The following RIMS1 variants were observed in gnomAD, a reference collection of about 807,000 sequenced individuals.
The protein encoded by RIMS1 is regulating synaptic membrane exocytosis protein 1.
RIMS1 carries 83 observed loss-of-function variants against 214.1 expected under a neutral mutation model. That is an observed-to-expected ratio of 0.39 (90% confidence interval 0.32 to 0.47). RIMS1 has a LOEUF of 0.47. Among genes scored for constraint, RIMS1 ranks in the 20% least tolerant of loss-of-function variants. The pLI is 0.99. For synonymous variants in RIMS1, 793 were observed against 786.8 expected (o/e 1.01, Z -0.13); for missense variants, 2,050 against 2,161.8 (o/e 0.95, Z 1.03).
intron 4 of RIMS1, among the ~76,000 whole-genome samples, chr6:72,110,540 G>A (rs1336406899): frequency 6.7e-6 from 1 of 148,896 alleles, no homozygotes; most frequent in Non-Finnish European, 1.5e-5. Context: ...TGTGATTTTT[G>A]TACATTGATT....
chr6:72,316,063 G>A (rs1349621653), intron 28 of RIMS1, among the ~76,000 whole-genome samples: 1 of 151,844 alleles, frequency 6.6e-6, no homozygotes, highest in Non-Finnish European at 1.5e-5. Context: ...CATGTGTAAG[G>A]ACTTTATTAT....
intron 2 of RIMS1, 139 bp downstream of exon 2, chr6:71,969,202 G>A (rs781231055): frequency 2.5e-6 from 2 of 805,852 alleles, no homozygotes; most frequent in Non-Finnish European, 4.3e-6. Context: ...TGTTGAATTA[G>A]ATAAAATTAG....
chr6:72,080,513 G>A (rs750060063), intron 2 of RIMS1, among the ~76,000 whole-genome samples: 8 of 152,140 alleles, frequency 5.3e-5, no homozygotes, highest in Non-Finnish European at 1.0e-4. Context: ...CAGAGGGAGC[G>A]TATGAAAATG....
At chr6:72,213,339 A>C (rs1488233237) in intron 6 of RIMS1, 1 of 918,642 alleles carries the variant, frequency 1.1e-6, no homozygotes, top group African/African-American at 1.7e-5. Flanking sequence ...TCTGTGTGTC[A>C]GGTGCACAGT....
chr6:72,092,853 A>G (rs1020953655), intron 2 of RIMS1, among the ~76,000 whole-genome samples: 2 of 152,164 alleles, frequency 1.3e-5, no homozygotes, highest in Admixed American at 6.5e-5. Flanking sequence ...TCTCACCGTC[A>G]TACCTCAGTG....
At chr6:72,157,341 A>T (rs1369368824) in intron 4 of RIMS1, among the ~76,000 whole-genome samples, 1 of 140,056 alleles carries the variant, frequency 7.1e-6, no homozygotes, top group Non-Finnish European at 1.6e-5. Context: ...ACTCTTCTAT[A>T]TCCTTGCTGT....
In RIMS1 at chr6:72,326,304, T is replaced by C. The variant is rs1268894548; in HGVS notation, c.4131-7296T>C. ...TCTTGCTTTCTGAAAGAAGGTGTTT[T>C]AGGACTTCTGTTTTTTATCCTCTTC... On this transcript the variant is annotated intron_variant, in intron 28 of 33. Coordinates refer to ENST00000521978, the MANE Select transcript of RIMS1 (RefSeq NM_014989.7). 2.0e-5 allele frequency among the ~76,000 whole-genome samples: 3 copies of C among 151,780 alleles called. No individual in the cohort carries two copies. The East Asian group carries it at 5.8e-4, about 29-fold the overall frequency.
rs1222564699 is a variant in RIMS1, at chr6:72,271,286, AATATATATATAT to A, written c.3399-3044_3399-3033del. Reference sequence around the variant, plus strand: ...ATCTCAAGGAAAAAAAAAAAAAAAAAATATATATATATATATATATATATATATATGTTAATT... The same window carrying A: ...ATCTCAAGGAAAAAAAAAAAAAAAAAATATATATATATATATATGTTAATT... On this transcript the variant is annotated intron_variant, in intron 22 of 33. Transcript: ENST00000521978. Among the ~76,000 whole-genome samples the A allele has an allele frequency of 4.2e-3, 185 of 44,412 alleles. 4 individuals carry two copies. Among genetic ancestry groups the A allele is most frequent in the East Asian group, 0.013 (6 of 468 alleles). The allele number at this position is 44,412 out of a possible 152,430, so 29.1% of individuals were successfully genotyped here.
At chr6:71,973,213 T>C (rs1796327563) in intron 2 of RIMS1, among the ~76,000 whole-genome samples, 1 of 152,138 alleles carries the variant, frequency 6.6e-6, no homozygotes, top group Non-Finnish European at 1.5e-5. Flanking sequence ...CGGACAGTAA[T>C]ATGGATTTTA....
chr6:72,013,646 C>A (rs921015889), intron 2 of RIMS1, among the ~76,000 whole-genome samples: 2 of 152,164 alleles, frequency 1.3e-5, no homozygotes, highest in Non-Finnish European at 2.9e-5. Context: ...TACTTCTTGG[C>A]TCAGTTTCTC....
At chr6:72,235,522 C>T (rs2063669084) in intron 7 of RIMS1, 96 bp from the exon 8 acceptor site, 1 of 757,632 alleles carries the variant, frequency 1.3e-6, no homozygotes, top group Non-Finnish European at 2.3e-6. Context: ...GCAGTTCTAT[C>T]CATGTTACCT....
chr6:72,049,916 CTTT>C (rs1159864599), intron 2 of RIMS1, among the ~76,000 whole-genome samples: 1 of 152,028 alleles, frequency 6.6e-6, no homozygotes, highest in Non-Finnish European at 1.5e-5. Context: ...TGAAAATTCT[CTTT>C]TTAAGTGTAA....
intron 6 of RIMS1, among the ~76,000 whole-genome samples, chr6:72,226,094 C>T (rs1374766792): frequency 6.6e-6 from 1 of 151,966 alleles, no homozygotes; most frequent in Non-Finnish European, 1.5e-5. Context: ...TGACCACATT[C>T]TTATTTTATA....
At chr6:72,300,940 T>C (rs2094544642) in intron 26 of RIMS1, among the ~76,000 whole-genome samples, 1 of 151,728 alleles carries the variant, frequency 6.6e-6, no homozygotes, top group South Asian at 2.1e-4. Flanking sequence ...ATTGCCTCTT[T>C]CACCTATGCC....
chr6:72,247,392 G>T (rs533102681), intron 11 of RIMS1, among the ~76,000 whole-genome samples: 22 of 151,934 alleles, frequency 1.4e-4, no homozygotes, highest in African/African-American at 5.3e-4. Context: ...AAAATTAGCC[G>T]GACGTGTTGG....
Position 72,316,923 on chromosome 6 carries a change from G to A in RIMS1, c.4130+3251G>A, listed in dbSNP as rs1563969279. The A allele has an allele frequency of 4.2e-6, 3 of 718,452 alleles. No homozygotes were observed. In the Admixed American group the frequency reaches 5.8e-5, roughly 14 times the overall value. 44.5% of individuals were successfully genotyped at this position (718,452 alleles called of 1,614,324 possible). A position where few individuals can be genotyped will look rare whatever the true frequency, so the allele number is the denominator to read the frequency against. On this transcript the variant is annotated intron_variant, in intron 28 of 33. Coordinates refer to ENST00000521978, the MANE Select transcript of RIMS1 (RefSeq NM_014989.7). The stretch of plus-strand genomic sequence containing the variant: ...ACTGGACAGCCACCCAAGAACTGAG[G>A]TGTCCTGCAGTAGAGTGGAGAGACC...
chr6:72,383,608 T>TA (rs1170633297), intron 29 of RIMS1, among the ~76,000 whole-genome samples: 36,825 of 85,522 alleles, frequency 0.43, 7,517 homozygotes, highest in Middle Eastern at 0.54. Flanking sequence ...ACCCCATCTC[T>TA]AAAAAAAAAA....
intron 4 of RIMS1, among the ~76,000 whole-genome samples, chr6:72,165,336 G>T (rs974883627): frequency 3.3e-5 from 5 of 151,876 alleles, no homozygotes; most frequent in Non-Finnish European, 5.9e-5. Context: ...GTAATTCCTG[G>T]CTCTCTGTTT....
chr6:72,092,056 T>A (rs751176096), intron 2 of RIMS1, among the ~76,000 whole-genome samples: 12 of 152,242 alleles, frequency 7.9e-5, no homozygotes, highest in Admixed American at 2.6e-4. Context: ...ATGGTTTCAC[T>A]ACCAGTATCT....
Sources: gnomAD v4.1 joint callset for allele counts (sites outside exome capture counted in the v4.1 genomes callset) on GRCh38, gnomAD v4.1.1 for gene constraint, MANE v1.5 for transcripts, NCBI Gene and HGNC (gene_info 2026-07-23, HGNC 2026-07-21) for gene names.